Variants in MAPDA observed in about 807,000 individuals in gnomAD.
MAPDA encodes the protein N6-Methyl-AMP deaminase.
chr15:43,330,418 C>G, the MAPDA span: 1 of 1,566,980 alleles, frequency 6.4e-7, no homozygotes, highest in African/African-American at 1.4e-5. Context: ...CCAGGGAACG[C>G]TTGCTGAGGG....
chr15:43,345,399 T>G, the MAPDA span, among the ~76,000 whole-genome samples: 1 of 148,396 alleles, frequency 6.7e-6, no homozygotes. Context: ...CAACACAGGA[T>G]ACAATCAACA....
the MAPDA span, chr15:43,336,518 C>G: frequency 1.2e-6 from 1 of 814,538 alleles, no homozygotes; most frequent in Admixed American, 3.8e-5. Context: ...TTCTGTAGTT[C>G]TTTGTAAATA....
At chr15:43,349,864 A>G in the MAPDA span, among the ~76,000 whole-genome samples, 1 of 152,228 alleles carries the variant, frequency 6.6e-6, no homozygotes, top group African/African-American at 2.4e-5. Context: ...CCACTGGCAT[A>G]GTGATCTTAC....
chr15:43,352,614 G>A, the MAPDA span: 1 of 152,238 alleles, frequency 6.6e-6, no homozygotes, highest in African/African-American at 2.4e-5. Context: ...GGCTAAGGTG[G>A]GAGGAGACCT....
At chr15:43,336,679 T>C in the MAPDA span, 14 of 1,551,010 alleles carry the variant, frequency 9.0e-6, no homozygotes, top group African/African-American at 1.4e-5. Context: ...CCTGAAGATA[T>C]TCTAATGGTA....
At chr15:43,337,797 C>T in the MAPDA span, among the ~76,000 whole-genome samples, 2 of 152,202 alleles carry the variant, frequency 1.3e-5, no homozygotes, top group South Asian at 4.2e-4. Flanking sequence ...GACTGAGTGC[C>T]CACAATGTTC....
chr15:43,338,602 A>C, the MAPDA span, among the ~76,000 whole-genome samples: 1 of 152,230 alleles, frequency 6.6e-6, no homozygotes, highest in Non-Finnish European at 1.5e-5. Flanking sequence ...TTGAGTAAGT[A>C]GGAACTTAAC....
At chr15:43,335,918 A>C in the MAPDA span, 1 of 1,490,872 alleles carries the variant, frequency 6.7e-7, no homozygotes, top group Non-Finnish European at 9.0e-7. Flanking sequence ...ATTTTGGTAA[A>C]CAGAAATAGG....
At chr15:43,348,548 C>CATAT in the MAPDA span, among the ~76,000 whole-genome samples, 1 of 152,144 alleles carries the variant, frequency 6.6e-6, no homozygotes, top group East Asian at 1.9e-4. Flanking sequence ...ACGGAACACA[C>CATAT]ATATACATAT....
the MAPDA span, chr15:43,345,713 T>C: frequency 1.1e-5 from 11 of 958,372 alleles, no homozygotes; most frequent in African/African-American, 1.6e-5. Flanking sequence ...TAAAATGTCA[T>C]GTTGTCTAGA....
At chr15:43,338,779 G>A in the MAPDA span, among the ~76,000 whole-genome samples, 4 of 152,228 alleles carry the variant, frequency 2.6e-5, no homozygotes, top group African/African-American at 7.2e-5. Context: ...CCAGGGAAAT[G>A]TTCTTGGATG....
the MAPDA span, among the ~76,000 whole-genome samples, chr15:43,345,692 G>A: frequency 1.3e-5 from 2 of 152,178 alleles, no homozygotes; most frequent in African/African-American, 2.4e-5. Flanking sequence ...GTCTCAGTCC[G>A]TATGACAAAG....
the MAPDA span, among the ~76,000 whole-genome samples, chr15:43,342,194 G>A: frequency 8.6e-5 from 13 of 151,844 alleles, no homozygotes; most frequent in African/African-American, 2.9e-4. Context: ...CCAAACATAA[G>A]CATTTTATAA....
the MAPDA span, chr15:43,345,949 T>C: frequency 6.2e-7 from 1 of 1,614,166 alleles, no homozygotes; most frequent in Non-Finnish European, 8.5e-7. Context: ...GAGGGTACAG[T>C]TCTTGGCCTT....
chr15:43,349,862 A>G, the MAPDA span, among the ~76,000 whole-genome samples: 2 of 152,230 alleles, frequency 1.3e-5, no homozygotes, highest in East Asian at 1.9e-4. Context: ...AACCACTGGC[A>G]TAGTGATCTT....
At chr15:43,347,771 G>T in the MAPDA span, among the ~76,000 whole-genome samples, 224 of 152,130 alleles carry the variant, frequency 1.5e-3, 2 homozygotes, top group Non-Finnish European at 1.4e-3. Flanking sequence ...TATTAAAGGG[G>T]TAATGTATAA....
chr15:43,343,050 C>T, the MAPDA span: 1 of 1,586,324 alleles, frequency 6.3e-7, no homozygotes, highest in South Asian at 1.2e-5. Context: ...ACAGTCCAAA[C>T]AAGAAAACTT....
chr15:43,336,684 A>G, the MAPDA span: 1 of 1,542,848 alleles, frequency 6.5e-7, no homozygotes. Flanking sequence ...AGATATTCTA[A>G]TGGTAAGACA....
At chr15:43,345,180 C>T in the MAPDA span, among the ~76,000 whole-genome samples, 1 of 151,916 alleles carries the variant, frequency 6.6e-6, no homozygotes, top group African/African-American at 2.4e-5. Context: ...CGGTGAAACT[C>T]CGTCTCTACT....
Sources: allele counts gnomAD v4.1 joint callset (sites outside exome capture counted in the v4.1 genomes callset), GRCh38; gene constraint gnomAD v4.1.1; transcripts MANE v1.5; gene names NCBI Gene and HGNC (gene_info 2026-07-23, HGNC 2026-07-21).